ZSCAN25: variants seen among roughly 807,000 people sequenced by gnomAD.
ZSCAN25 encodes zinc finger and SCAN domain-containing protein 25.
In ZSCAN25, 27 loss-of-function variants were observed where a neutral mutation model predicts 38.7. The ratio of observed to expected loss-of-function variants is 0.70; its 90% CI spans 0.51 to 0.96. The LOEUF is 0.96. ZSCAN25 is among the 40% of genes least tolerant of loss of function. The probability of loss-of-function intolerance (pLI) is 0.00; values close to 1 mark genes in which losing one functional copy is unlikely to be tolerated. For missense variants in ZSCAN25, 637 were observed against 705.9 expected (o/e 0.90, Z 1.11); for synonymous variants, 273 against 277.7 (o/e 0.98, Z 0.17).
chr7:99,715,584 G>T, the ZSCAN25 span: 1 of 1,166,368 alleles, frequency 8.6e-7, no homozygotes, highest in East Asian at 2.6e-5. Flanking sequence ...GAGGTTTCTA[G>T]AATGACAGAA....
chr7:99,617,029 T>A lies in ZSCAN25; in HGVS notation c.-259+13T>A, dbSNP rs1806511584. ...AGGGCCGCGGCGGGTGAGAGCCTCT[T>A]CAGGGCCGCAGCGGGTGGCGGGCGA... is the stretch of plus-strand genomic sequence containing the variant. On this transcript the variant is annotated intron_variant, in intron 1 of 7. Transcript: ENST00000394152. The A allele has an allele frequency of 1.3e-5, 2 of 152,210 alleles. No homozygotes were observed. Among genetic ancestry groups the A allele is most frequent in the Admixed American group, 6.5e-5 (1 of 15,278 alleles). The allele number at this position is 152,210 out of a possible 1,614,324, so 9.4% of individuals were successfully genotyped here. A position where few individuals can be genotyped will look rare whatever the true frequency, so the allele number is the denominator to read the frequency against.
downstream of ZSCAN25, among the ~76,000 whole-genome samples, chr7:99,632,779 GACCCTGTCTCAAAACAAA>G: frequency 6.6e-6 from 1 of 152,268 alleles, no homozygotes; most frequent in East Asian, 1.9e-4. Context: ...GACAGAGCAA[GACCCTGTCTCAAAACAAA>G]ACAGTTCCTT....
the ZSCAN25 span, among the ~76,000 whole-genome samples, chr7:99,726,613 C>A: frequency 3.3e-5 from 5 of 152,184 alleles, no homozygotes; most frequent in Admixed American, 1.3e-4. Context: ...CAGCAGCTTA[C>A]CTGGGCTGTA....
chr7:99,720,297 A>G, the ZSCAN25 span: 1 of 1,611,786 alleles, frequency 6.2e-7, no homozygotes, highest in Middle Eastern at 2.2e-4. Context: ...TTTAATTTCA[A>G]AAAATGGATG....
the ZSCAN25 span, among the ~76,000 whole-genome samples, chr7:99,685,500 G>A: frequency 4.6e-5 from 7 of 152,214 alleles, no homozygotes; most frequent in Admixed American, 3.3e-4. Flanking sequence ...ACAGGCAGTC[G>A]CTGGGCAGGT....
chr7:99,708,708 G>A, the ZSCAN25 span, among the ~76,000 whole-genome samples: 5 of 152,020 alleles, frequency 3.3e-5, no homozygotes, highest in East Asian at 1.9e-4. Context: ...GTATATTCAG[G>A]AAAAAATATT....
chr7:99,726,465 CTT>C, the ZSCAN25 span, among the ~76,000 whole-genome samples: 5 of 152,204 alleles, frequency 3.3e-5, no homozygotes, highest in Admixed American at 1.3e-4. Context: ...CCCGTACACT[CTT>C]TTGTTCTCAA....
the ZSCAN25 span, among the ~76,000 whole-genome samples, chr7:99,721,294 A>G: frequency 2.6e-5 from 4 of 152,344 alleles, no homozygotes; most frequent in African/African-American, 9.6e-5. Flanking sequence ...TTCCACACTT[A>G]CATAGAAAGT....
rs1807809950 is a variant in ZSCAN25, at chr7:99,629,593, A to G, written c.1208A>G (p.Tyr403Cys). The change falls in exon 8 of 8, where the codon TAC becomes TGC. Residue 403 changes from tyrosine to cysteine, a missense_variant. Coordinates refer to ENST00000394152, the MANE Select transcript of ZSCAN25 (RefSeq NM_145115.3). The surrounding 1 kb of genome is among the most constrained non-coding windows in gnomAD (Gnocchi z 5.6). ...HQRTHLGKRP[Y>C]VCSECWKTFS... ...AGAACCCACCTGGGAAAGAGGCCCTACGTGTGCAGCGAGTGCTGGAAAACC... is the reference window on the plus strand; with the variant it reads ...AGAACCCACCTGGGAAAGAGGCCCTGCGTGTGCAGCGAGTGCTGGAAAACC... 6 of 1,614,050 alleles carry G rather than the reference A, an allele frequency of 3.7e-6. No individual in the cohort carries two copies. The highest frequency in any genetic ancestry group is 1.7e-5 in the Admixed American group (1 of 60,008).
chr7:99,666,915 T>G, the ZSCAN25 span: 2 of 1,609,180 alleles, frequency 1.2e-6, no homozygotes, highest in African/African-American at 2.7e-5. Flanking sequence ...AGATTCATTC[T>G]TTACATTTCT....
chr7:99,732,555 C>A, the ZSCAN25 span, among the ~76,000 whole-genome samples: 1 of 152,148 alleles, frequency 6.6e-6, no homozygotes. Flanking sequence ...CTGCTTGCAA[C>A]CCATCTTTGA....
the ZSCAN25 span, chr7:99,715,995 C>G: frequency 6.2e-7 from 1 of 1,609,062 alleles, no homozygotes; most frequent in Non-Finnish European, 8.5e-7. Context: ...CATGTCCAGT[C>G]AAGACAGACA....
At chr7:99,729,202 A>G in the ZSCAN25 span, among the ~76,000 whole-genome samples, 6,602 of 152,158 alleles carry the variant, frequency 0.043, 452 homozygotes, top group African/African-American at 0.15. Flanking sequence ...TGTGTCTTCA[A>G]TTGGTTTCTC....
chr7:99,716,019 T>C, the ZSCAN25 span: 1 of 1,594,654 alleles, frequency 6.3e-7, no homozygotes, highest in Non-Finnish European at 8.6e-7. Flanking sequence ...AGCCACAGAC[T>C]TTCAGAACTA....
At chr7:99,729,947 T>C in the ZSCAN25 span, among the ~76,000 whole-genome samples, 1 of 152,206 alleles carries the variant, frequency 6.6e-6, no homozygotes, top group Non-Finnish European at 1.5e-5. Context: ...AGGGAAATTA[T>C]TGCTTTTGCA....
chr7:99,717,059 C>A, the ZSCAN25 span: 63 of 1,276,098 alleles, frequency 4.9e-5, no homozygotes, highest in South Asian at 7.1e-4. Flanking sequence ...GTTGCATTAC[C>A]ACAGCCCTCC....
At chr7:99,729,811 C>T in the ZSCAN25 span, among the ~76,000 whole-genome samples, 3 of 152,130 alleles carry the variant, frequency 2.0e-5, no homozygotes, top group Non-Finnish European at 4.4e-5. Context: ...TAAAACTGCC[C>T]CACCCCTATC....
chr7:99,706,702 G>A, the ZSCAN25 span, among the ~76,000 whole-genome samples: 8 of 152,212 alleles, frequency 5.3e-5, no homozygotes, highest in African/African-American at 1.7e-4. Context: ...AGACATGCAT[G>A]TGCACATGTG....
chr7:99,667,142 C>A, the ZSCAN25 span: 1 of 1,330,290 alleles, frequency 7.5e-7, no homozygotes, highest in Non-Finnish European at 1.0e-6. Context: ...ATTGAAGAGG[C>A]ATCCTTATTT....
Sources: allele counts gnomAD v4.1 joint callset (sites outside exome capture counted in the v4.1 genomes callset), GRCh38; gene constraint gnomAD v4.1.1; non-coding constraint Gnocchi (gnomAD v3.1); transcripts MANE v1.5; gene names NCBI Gene and HGNC (gene_info 2026-07-23, HGNC 2026-07-21).